The following SAMHD1 variants were observed in gnomAD, a reference collection of about 807,000 sequenced individuals.
The protein encoded by SAMHD1 is deoxynucleoside triphosphate triphosphohydrolase SAMHD1.
Under a neutral mutation model 79.6 loss-of-function variants are expected in SAMHD1, and 54 were observed. The ratio of observed to expected loss-of-function variants is 0.68; its 90% CI spans 0.55 to 0.85. SAMHD1 has a LOEUF of 0.85. SAMHD1 is among the 40% of genes least tolerant of loss of function. SAMHD1 has a pLI of 0.00. For missense variants in SAMHD1, 663 were observed against 782.7 expected, an observed-to-expected ratio of 0.85 and a Z score of 1.82; for synonymous variants, 260 against 264.1, an observed-to-expected ratio of 0.98 and a Z score of 0.15.
At chr20:36,910,821 A>G (rs1320878410) in intron 11 of SAMHD1, among the ~76,000 whole-genome samples, 2 of 152,162 alleles carry the variant, frequency 1.3e-5, no homozygotes, top group African/African-American at 2.4e-5. Context: ...ATCACAACAA[A>G]ACTATATGCT....
intron 9 of SAMHD1, among the ~76,000 whole-genome samples, chr20:36,915,563 CCT>C (rs1412688519): frequency 2.0e-5 from 3 of 151,710 alleles, no homozygotes; most frequent in Non-Finnish European, 4.4e-5. Flanking sequence ...ATGGTGAAAC[CCT>C]GTTTCCACTA....
At chr20:36,934,657 CTT>C (rs547804080) in intron 4 of SAMHD1, 20 of 111,888 alleles carry the variant, frequency 1.8e-4, no homozygotes, top group South Asian at 5.5e-4. Context: ...CTTTTTCTTT[CTT>C]TTTTTTTTTT....
At chr20:36,938,370 T>C (rs898151708) in intron 3 of SAMHD1, among the ~76,000 whole-genome samples, 2 of 151,938 alleles carry the variant, frequency 1.3e-5, no homozygotes, top group African/African-American at 2.4e-5. Context: ...TGAAACCCCG[T>C]CTCTACTAAA....
chr20:36,911,553 C>G (rs2063440710), intron 10 of SAMHD1: 1 of 506,952 alleles, frequency 2.0e-6, no homozygotes, highest in Admixed American at 3.3e-5. Context: ...CATTCACCAT[C>G]TTATTTATTC....
At chr20:36,948,574 A>G (rs2063710472) in intron 1 of SAMHD1, among the ~76,000 whole-genome samples, 1 of 151,916 alleles carries the variant, frequency 6.6e-6, no homozygotes, top group Non-Finnish European at 1.5e-5. Context: ...TATTAGAAAG[A>G]AAGACTATTG....
intron 9 of SAMHD1, among the ~76,000 whole-genome samples, chr20:36,914,995 G>C (rs940513610): frequency 5.3e-5 from 8 of 152,008 alleles, no homozygotes; most frequent in African/African-American, 1.9e-4. Context: ...CTGGGTGACA[G>C]AGTAAGATCC....
At chr20:36,928,081 A>G (rs1193505987) in intron 5 of SAMHD1, among the ~76,000 whole-genome samples, 1 of 152,240 alleles carries the variant, frequency 6.6e-6, no homozygotes, top group Non-Finnish European at 1.5e-5. Context: ...GGATTAAAAT[A>G]GCAGTTTCAA....
chr20:36,948,521 G>A (rs2063710102), intron 1 of SAMHD1, among the ~76,000 whole-genome samples: 1 of 152,002 alleles, frequency 6.6e-6, no homozygotes, highest in Admixed American at 6.5e-5. Flanking sequence ...CCAAAGTGCT[G>A]GGATTACAGG....
chr20:36,946,547 G>C (rs1330145492), intron 2 of SAMHD1, 191 bp downstream of exon 2: 2 of 544,656 alleles, frequency 3.7e-6, no homozygotes, highest in African/African-American at 3.8e-5. Flanking sequence ...AGATACTCCA[G>C]CCTGGGTGAA....
chr20:36,940,609 G>A, intron 3 of SAMHD1: 1 of 241,720 alleles, frequency 4.1e-6, no homozygotes, highest in South Asian at 5.0e-5. Context: ...TGAGATGGAA[G>A]GATCACTTGA....
At chr20:36,913,534 C>G (rs1471387354) in intron 9 of SAMHD1, among the ~76,000 whole-genome samples, 1 of 148,616 alleles carries the variant, frequency 6.7e-6, no homozygotes, top group Non-Finnish European at 1.5e-5. Flanking sequence ...ACCCAGGAGG[C>G]GGAGGTTGCA....
chr20:36,911,077 G>T (rs1601124599), intron 11 of SAMHD1, 141 bp downstream of exon 11: 2 of 587,380 alleles, frequency 3.4e-6, no homozygotes, highest in East Asian at 3.1e-5. Flanking sequence ...AATATAGTGA[G>T]ACCCTTTCTT....
intron 5 of SAMHD1, among the ~76,000 whole-genome samples, chr20:36,928,453 G>A (rs1328564317): frequency 2.0e-5 from 3 of 152,086 alleles, no homozygotes; most frequent in Non-Finnish European, 2.9e-5. Context: ...TTGGGAGGCC[G>A]AGGCGGGTAG....
chr20:36,911,017 G>A (rs185416875), intron 11 of SAMHD1, among the ~76,000 whole-genome samples: 215 of 152,242 alleles, frequency 1.4e-3, no homozygotes, highest in Non-Finnish European at 1.6e-3. Context: ...CACTTTGGGA[G>A]TCAAGGCAGG....
intron 4 of SAMHD1, chr20:36,931,185 G>A (rs2063565900): frequency 2.6e-6 from 1 of 382,820 alleles, no homozygotes; most frequent in Non-Finnish European, 5.0e-6. Context: ...GACATGATGT[G>A]AAGAAGTTGG....
chr20:36,909,026 ATC>A (rs2063421137), intron 11 of SAMHD1, among the ~76,000 whole-genome samples: 1 of 151,996 alleles, frequency 6.6e-6, no homozygotes, highest in South Asian at 2.1e-4. Flanking sequence ...CAGTGGTGCG[ATC>A]TCTGCTCACC....
intron 3 of SAMHD1, among the ~76,000 whole-genome samples, chr20:36,936,842 G>A (rs1207841567): frequency 6.6e-6 from 1 of 151,630 alleles, no homozygotes; most frequent in Non-Finnish European, 1.5e-5. Flanking sequence ...TCTTTTTTTG[G>A]TAGAGATGGG....
chr20:36,905,719 C>G (rs1371623294), intron 11 of SAMHD1, among the ~76,000 whole-genome samples: 1 of 152,058 alleles, frequency 6.6e-6, no homozygotes, highest in African/African-American at 2.4e-5. Flanking sequence ...GCCTGCAATC[C>G]CAGCACTCTG....
chr20:36,903,895 T>C, intron 13 of SAMHD1: 1 of 333,260 alleles, frequency 3.0e-6, no homozygotes, highest in East Asian at 6.5e-5. Context: ...ATAAAAAAAA[T>C]TAAAATGTAT....
Sources: allele counts gnomAD v4.1 joint callset (sites outside exome capture counted in the v4.1 genomes callset), GRCh38; gene constraint gnomAD v4.1.1; transcripts MANE v1.5; gene names NCBI Gene and HGNC (gene_info 2026-07-23, HGNC 2026-07-21).